ARHGAP39: variants seen among roughly 807,000 people sequenced by gnomAD.
ARHGAP39 encodes rho GTPase-activating protein 39.
Under a neutral mutation model 106.9 loss-of-function variants are expected in ARHGAP39, and 44 were observed. That is an observed-to-expected ratio of 0.41 (90% confidence interval 0.32 to 0.53). The LOEUF is 0.53. Ranked by LOEUF, ARHGAP39 falls within the 20% of genes least tolerant of loss-of-function variation. The pLI is 0.21. For missense variants in ARHGAP39, 1,496 were observed against 1,577.3 expected (o/e 0.95, Z 0.87); for synonymous variants, 768 against 693.2 (o/e 1.11, Z -1.69).
At chr8:144,694,989 C>T in the ARHGAP39 span, among the ~76,000 whole-genome samples, 1 of 151,628 alleles carries the variant, frequency 6.6e-6, no homozygotes, top group Non-Finnish European at 1.5e-5. Flanking sequence ...TTTTAAGTTG[C>T]CCATTGATTA....
At chr8:144,632,633 G>T (rs1364061253) in intron 1 of ARHGAP39, among the ~76,000 whole-genome samples, 1 of 152,192 alleles carries the variant, frequency 6.6e-6, no homozygotes, top group African/African-American at 2.4e-5. Context: ...AGGGCAGCAG[G>T]ATTGCCACCA....
intron 2 of ARHGAP39, among the ~76,000 whole-genome samples, chr8:144,587,559 C>T (rs929612319): frequency 3.9e-5 from 6 of 152,080 alleles, no homozygotes; most frequent in African/African-American, 1.4e-4. Flanking sequence ...GGACAAAGCC[C>T]GGCAGCATGG....
At chr8:144,687,682 TTCCCACCCC>T, upstream of ARHGAP39, among the ~76,000 whole-genome samples, 1 of 121,232 alleles carries the variant, frequency 8.2e-6, no homozygotes, top group Admixed American at 8.0e-5. Context: ...CAGTGAGCAC[TTCCCACCCC>T]GTGACCACAC....
intron 3 of ARHGAP39, among the ~76,000 whole-genome samples, chr8:144,561,960 G>A (rs570353809): frequency 4.4e-4 from 63 of 142,374 alleles, no homozygotes; most frequent in Admixed American, 2.5e-3. Context: ...GGTTTCCATC[G>A]GACTCCAGTG....
intron 6 of ARHGAP39, among the ~76,000 whole-genome samples, chr8:144,539,266 TCTC>T (rs1393217847): frequency 5.9e-5 from 9 of 152,286 alleles, no homozygotes; most frequent in African/African-American, 2.2e-4. Context: ...TGGCCATCTG[TCTC>T]CTCAACATAC....
intron 2 of ARHGAP39, among the ~76,000 whole-genome samples, chr8:144,600,983 T>G (rs951909100): frequency 2.9e-5 from 4 of 137,786 alleles, no homozygotes; most frequent in African/African-American, 8.4e-5. Flanking sequence ...CGTGGAGGTG[T>G]GTGTGCGAGC....
Position 144,547,021 on chromosome 8 carries a change from G to T in ARHGAP39, c.1959+106C>A. 7.5e-7 allele frequency: 1 copy of T among 1,337,456 alleles called. No individual in the cohort carries two copies. Among genetic ancestry groups the T allele is most frequent in the Non-Finnish European group, 9.9e-7 (1 of 1,006,366 alleles). The allele number at this position is 1,337,456 out of a possible 1,614,324, so 82.8% of individuals were successfully genotyped here. ...ACGGGGCTTCAGAACTCTGCGTGCT[G>T]CGTGCACGCCCTGGACGCCAGGTCT... On this transcript the variant is annotated intron_variant, in intron 5 of 11. Coordinates refer to ENST00000377307, the MANE Select transcript of ARHGAP39 (RefSeq NM_025251.3). The surrounding 1 kb of genome is among the most constrained non-coding windows in gnomAD (Gnocchi z 5.2).
intron 3 of ARHGAP39, among the ~76,000 whole-genome samples, chr8:144,564,673 G>A (rs1818325389): frequency 6.6e-6 from 1 of 152,120 alleles, no homozygotes; most frequent in South Asian, 2.1e-4. Flanking sequence ...TAAGCATTAT[G>A]ATGTCTGAGA....
intron 1 of ARHGAP39, among the ~76,000 whole-genome samples, chr8:144,654,897 C>T (rs963174716): frequency 6.6e-6 from 1 of 151,490 alleles, no homozygotes; most frequent in Non-Finnish European, 1.5e-5. Context: ...GCTGCAGACC[C>T]AGCCTCCTGC....
chr8:144,655,269 C>G (rs1017854291), intron 1 of ARHGAP39, among the ~76,000 whole-genome samples: 1 of 152,158 alleles, frequency 6.6e-6, no homozygotes, highest in South Asian at 2.1e-4. Context: ...GGCCACCCAT[C>G]AGCATGCAAT....
chr8:144,675,730 G>A (rs945216801), intron 1 of ARHGAP39, among the ~76,000 whole-genome samples: 2 of 148,738 alleles, frequency 1.3e-5, no homozygotes, highest in East Asian at 2.0e-4. Flanking sequence ...TCTTAAAGAC[G>A]GTGCGTCTGG....
At chr8:144,535,666 A>G (rs922192227) in intron 7 of ARHGAP39, among the ~76,000 whole-genome samples, 1 of 152,202 alleles carries the variant, frequency 6.6e-6, no homozygotes, top group Non-Finnish European at 1.5e-5. Flanking sequence ...CCCTGCGGGA[A>G]GACAGGCCCT....
intron 1 of ARHGAP39, among the ~76,000 whole-genome samples, chr8:144,635,385 G>T (rs536440939): frequency 2.6e-5 from 4 of 152,184 alleles, no homozygotes; most frequent in African/African-American, 9.7e-5. Flanking sequence ...CTGAACACAT[G>T]GGGGGAGGTT....
intron 2 of ARHGAP39, among the ~76,000 whole-genome samples, chr8:144,598,070 G>T (rs1819690572): frequency 6.6e-6 from 1 of 152,246 alleles, no homozygotes; most frequent in Non-Finnish European, 1.5e-5. Flanking sequence ...GGAGAGTCCG[G>T]CCAGAGTAGG....
intron 1 of ARHGAP39, among the ~76,000 whole-genome samples, chr8:144,628,011 C>T (rs567652428): frequency 6.6e-6 from 1 of 152,344 alleles, no homozygotes; most frequent in African/African-American, 2.4e-5. Context: ...GGCTGGGGGC[C>T]GTGTTCCCCA....
intron 2 of ARHGAP39, among the ~76,000 whole-genome samples, chr8:144,601,125 C>T (rs143714838): frequency 9.7e-6 from 1 of 103,624 alleles, no homozygotes; most frequent in Non-Finnish European, 1.9e-5. Context: ...CCTGTGTGTG[C>T]ATGGAGGCGT....
intron 1 of ARHGAP39, among the ~76,000 whole-genome samples, chr8:144,608,367 C>T (rs2130950857): frequency 6.6e-6 from 1 of 152,224 alleles, no homozygotes; most frequent in South Asian, 2.1e-4. Flanking sequence ...CCCTATGCAC[C>T]TGCTTTCCAT....
At chr8:144,601,372 CTG>C (rs1451538949) in intron 2 of ARHGAP39, among the ~76,000 whole-genome samples, 3 of 102,622 alleles carry the variant, frequency 2.9e-5, no homozygotes, top group Non-Finnish European at 5.8e-5. Flanking sequence ...GCTCATGTAC[CTG>C]TGTGTGCGTT....
intron 2 of ARHGAP39, among the ~76,000 whole-genome samples, chr8:144,589,881 G>C (rs1819326474): frequency 6.6e-6 from 1 of 152,236 alleles, no homozygotes. Flanking sequence ...TGTGGGCTGA[G>C]GGGCACAGAG....
Sources: gnomAD v4.1 joint callset for allele counts (sites outside exome capture counted in the v4.1 genomes callset) on GRCh38, gnomAD v4.1.1 for gene constraint, Gnocchi (gnomAD v3.1) non-coding constraint, MANE v1.5 for transcripts, NCBI Gene and HGNC (gene_info 2026-07-23, HGNC 2026-07-21) for gene names.